ARSG: variants seen among roughly 807,000 people sequenced by gnomAD.
ARSG encodes ASG.
ARSG carries 37 observed loss-of-function variants against 50.5 expected under a neutral mutation model. The ratio of observed to expected loss-of-function variants is 0.73; its 90% CI spans 0.56 to 0.96. ARSG has a LOEUF of 0.96. Ranked by LOEUF, ARSG falls within the 50% of genes least tolerant of loss-of-function variation. ARSG has a pLI of 0.00. For synonymous variants in ARSG, 225 were observed against 254.6 expected, an observed-to-expected ratio of 0.88 and a Z score of 1.11; for missense variants, 629 against 675.3, an observed-to-expected ratio of 0.93 and a Z score of 0.76.
chr17:68,445,542 C>T, the ARSG span, among the ~76,000 whole-genome samples: 25,141 of 152,182 alleles, frequency 0.17, 2,171 homozygotes, highest in South Asian at 0.26. Flanking sequence ...CACGTCCCCA[C>T]TGTTCCTTCC....
intron 8 of ARSG, among the ~76,000 whole-genome samples, chr17:68,372,264 A>T (rs34367162): frequency 0.41 from 62,461 of 151,860 alleles, 13,548 homozygotes; most frequent in Non-Finnish European, 0.47. Flanking sequence ...GTTCTATCTA[A>T]CTGTCATCTA....
intron 4 of ARSG, among the ~76,000 whole-genome samples, chr17:68,349,929 A>G (rs1254901674): frequency 2.0e-5 from 3 of 152,186 alleles, no homozygotes; most frequent in South Asian, 2.1e-4. Flanking sequence ...TTCTACATAC[A>G]CCACATATTG....
intron 9 of ARSG, among the ~76,000 whole-genome samples, chr17:68,387,325 CTT>C (rs2080778637): frequency 1.3e-5 from 2 of 152,160 alleles, no homozygotes; most frequent in African/African-American, 4.8e-5. Flanking sequence ...CATGGGGACT[CTT>C]AATGTTGCCC....
At chr17:68,313,836 G>A (rs1203254348) in intron 2 of ARSG, among the ~76,000 whole-genome samples, 1 of 151,950 alleles carries the variant, frequency 6.6e-6, no homozygotes, top group African/African-American at 2.4e-5. Context: ...CTGCCACTAC[G>A]CACGGCTGAT....
intron 11 of ARSG, among the ~76,000 whole-genome samples, chr17:68,417,742 T>TTTTA (rs2082473234): frequency 1.8e-5 from 2 of 108,698 alleles, no homozygotes; most frequent in Non-Finnish European, 3.5e-5. Context: ...AATTTTTTTT[T>TTTTA]TTTTTTTTTT....
chr17:68,417,892 A>C (rs2082494260), intron 11 of ARSG, among the ~76,000 whole-genome samples: 1 of 151,196 alleles, frequency 6.6e-6, no homozygotes, highest in Non-Finnish European at 1.5e-5. Context: ...CACCATGCCC[A>C]GATAATTTTT....
intron 6 of ARSG, among the ~76,000 whole-genome samples, chr17:68,358,467 T>A (rs1000031048): frequency 3.3e-5 from 5 of 152,010 alleles, no homozygotes; most frequent in Middle Eastern, 3.4e-3. Context: ...GGCAGGCAGA[T>A]CACCTGAATT....
At chr17:68,404,158 G>A (rs1005704162) in intron 11 of ARSG, among the ~76,000 whole-genome samples, 2 of 152,104 alleles carry the variant, frequency 1.3e-5, no homozygotes, top group East Asian at 1.9e-4. Context: ...GAATAGTGCC[G>A]CAATAAACAT....
intron 4 of ARSG, among the ~76,000 whole-genome samples, chr17:68,350,822 A>G (rs1315163193): frequency 6.6e-6 from 1 of 151,780 alleles, no homozygotes; most frequent in Admixed American, 6.6e-5. Flanking sequence ...AAATAAATAC[A>G]TAAATAAAGC....
intron 2 of ARSG, among the ~76,000 whole-genome samples, chr17:68,337,177 AG>A (rs1402233059): frequency 2.6e-5 from 4 of 151,980 alleles, no homozygotes; most frequent in Non-Finnish European, 5.9e-5. Context: ...GCAATTTTGG[AG>A]GGGAAACACT....
At chr17:68,278,618 T>C (rs112790842) in intron 1 of ARSG, among the ~76,000 whole-genome samples, 4 of 30,330 alleles carry the variant, frequency 1.3e-4, no homozygotes, top group African/African-American at 7.9e-4. Flanking sequence ...TTCTTTTTCC[T>C]TTTTTTTTTT....
downstream of ARSG, chr17:68,427,425 C>T (rs1230607798): frequency 1.1e-5 from 5 of 469,532 alleles, no homozygotes; most frequent in Non-Finnish European, 1.5e-5. Flanking sequence ...GGCGCAATCT[C>T]GGCTCACTGC....
intron 2 of ARSG, among the ~76,000 whole-genome samples, chr17:68,343,307 C>T (rs2078356553): frequency 6.6e-6 from 1 of 152,154 alleles, no homozygotes; most frequent in African/African-American, 2.4e-5. Context: ...CAGGCGCACG[C>T]CACTGCACCA....
At chr17:68,294,657 T>G (rs1202174596) in intron 1 of ARSG, among the ~76,000 whole-genome samples, 1 of 152,042 alleles carries the variant, frequency 6.6e-6, no homozygotes, top group Non-Finnish European at 1.5e-5. Flanking sequence ...CCCACCATGC[T>G]CCCACCCAGG....
the ARSG span, among the ~76,000 whole-genome samples, chr17:68,446,797 G>C: frequency 1.3e-5 from 2 of 152,188 alleles, no homozygotes; most frequent in Non-Finnish European, 2.9e-5. Context: ...CATCTGATCT[G>C]ATCTGCATTT....
rs782421181 is a variant in ARSG, at chr17:68,269,673, G to GTTTTTT, written c.-552+10260_-552+10265dup. On this transcript the variant is annotated intron_variant, in intron 1 of 11. Coordinates refer to the ARSG transcript ENST00000448504. ...TTATTTTCACTTGAGTTCACTTTAGGTTTTTTTTTTTTTTTTTTAGACAGA... is the reference window on the plus strand; with the variant it reads ...TTATTTTCACTTGAGTTCACTTTAGGTTTTTTTTTTTTTTTTTTTTTTTTAGACAGA... Among the ~76,000 whole-genome samples, 17 of 77,912 alleles carry GTTTTTT rather than the reference G, an allele frequency of 2.2e-4. 5 individuals carry two copies. The highest frequency in any genetic ancestry group is 2.8e-4 in the Non-Finnish European group (13 of 46,102). 51.1% of individuals were successfully genotyped at this position (77,912 alleles called of 152,430 possible). A position where few individuals can be genotyped will look rare whatever the true frequency, so the allele number is the denominator to read the frequency against.
chr17:68,434,681 T>C, the ARSG span: 2 of 1,585,558 alleles, frequency 1.3e-6, no homozygotes, highest in East Asian at 2.2e-5. Context: ...TACACAGAGA[T>C]GTCCCTTTAG....
At chr17:68,384,709 G>A (rs2080612333) in intron 8 of ARSG, among the ~76,000 whole-genome samples, 1 of 152,122 alleles carries the variant, frequency 6.6e-6, no homozygotes. Flanking sequence ...GATTTGCTAA[G>A]CCCCACTATG....
intron 1 of ARSG, among the ~76,000 whole-genome samples, chr17:68,306,083 A>G (rs1447657607): frequency 2.6e-5 from 4 of 151,630 alleles, no homozygotes; most frequent in Non-Finnish European, 5.9e-5. Context: ...GCTCGCCGCA[A>G]TCTCTGCCTC....
Sources: gnomAD v4.1 joint callset for allele counts (sites outside exome capture counted in the v4.1 genomes callset) on GRCh38, gnomAD v4.1.1 for gene constraint, MANE v1.5 for transcripts, NCBI Gene and HGNC (gene_info 2026-07-23, HGNC 2026-07-21) for gene names.